IQCM: variants seen among roughly 807,000 people sequenced by gnomAD.
The protein encoded by IQCM is IQ domain-containing protein M.
Under a neutral mutation model 57.6 loss-of-function variants are expected in IQCM, and 45 were observed. The observed-to-expected ratio is 0.78, with a 90% CI of 0.62 to 1.00. IQCM has a LOEUF of 1.00. IQCM is among the 50% of genes least tolerant of loss of function. IQCM has a pLI of 0.00. For synonymous variants in IQCM, 148 were observed against 158.9 expected, an observed-to-expected ratio of 0.93 and a Z score of 0.51; for missense variants, 468 against 511.6, an observed-to-expected ratio of 0.91 and a Z score of 0.82.
At chr4:149,732,791 A>G (rs1367560249) in intron 5 of IQCM, among the ~76,000 whole-genome samples, 1 of 152,226 alleles carries the variant, frequency 6.6e-6, no homozygotes, top group Non-Finnish European at 1.5e-5. Flanking sequence ...CATGTTACTG[A>G]TAGAGGATAA....
At position 149,733,613 on chromosome 4, in the gene IQCM, T is replaced by A. The variant is rs1203511927; in HGVS notation, c.121-105A>T. On this transcript the variant is annotated intron_variant, in intron 4 of 13. Transcript: ENST00000636793. ...TAAGTTCATGAAATTGCACCTCTAG[T>A]ACATACATTTTACAAAGTACCTTGC... 5.8e-6 allele frequency: 3 copies of A among 512,822 alleles called. No individual in the cohort carries two copies. In the African/African-American group the frequency reaches 5.9e-5, roughly 10 times the overall value. 31.8% of individuals were successfully genotyped at this position (512,822 alleles called of 1,614,324 possible). A position where few individuals can be genotyped will look rare whatever the true frequency, so the allele number is the denominator to read the frequency against.
intron 9 of IQCM, among the ~76,000 whole-genome samples, chr4:149,574,713 T>C (rs1751476916): frequency 6.6e-6 from 1 of 151,974 alleles, no homozygotes; most frequent in Non-Finnish European, 1.5e-5. Context: ...TATTAAACAC[T>C]AAATCAGTTT....
At chr4:149,406,747 C>T (rs566880907) in intron 13 of IQCM, among the ~76,000 whole-genome samples, 5 of 152,206 alleles carry the variant, frequency 3.3e-5, no homozygotes, top group South Asian at 4.2e-4. Flanking sequence ...TACTAAGATG[C>T]CTACTTTTCA....
intron 7 of IQCM, among the ~76,000 whole-genome samples, chr4:149,657,473 T>C (rs539750389): frequency 6.6e-6 from 1 of 152,250 alleles, no homozygotes; most frequent in East Asian, 1.9e-4. Flanking sequence ...TGCAAAAACA[T>C]TGGAGTACAG....
chr4:149,401,789 TG>T (rs1732636190), intron 13 of IQCM, among the ~76,000 whole-genome samples: 1 of 151,846 alleles, frequency 6.6e-6, no homozygotes, highest in Non-Finnish European at 1.5e-5. Flanking sequence ...TTTTCAGCAC[TG>T]CTAATGAAAA....
chr4:149,400,242 C>A (rs1400013137), intron 13 of IQCM, among the ~76,000 whole-genome samples: 1 of 149,526 alleles, frequency 6.7e-6, no homozygotes, highest in African/African-American at 2.5e-5. Flanking sequence ...TTTCTTTTTG[C>A]TTCTTCCTAC....
intron 12 of IQCM, among the ~76,000 whole-genome samples, chr4:149,449,187 C>T (rs1303542975): frequency 7.7e-6 from 1 of 130,064 alleles, no homozygotes; most frequent in Admixed American, 7.9e-5. Flanking sequence ...CAACCCGCCA[C>T]CCCCCACCAC....
intron 7 of IQCM, among the ~76,000 whole-genome samples, chr4:149,676,068 T>C (rs1445470426): frequency 1.3e-5 from 2 of 152,040 alleles, no homozygotes. Context: ...CTGCCATGGG[T>C]CTGTTTCCTT....
At chr4:149,471,879 G>A (rs906895854) in intron 12 of IQCM, among the ~76,000 whole-genome samples, 3 of 152,058 alleles carry the variant, frequency 2.0e-5, no homozygotes, top group African/African-American at 7.2e-5. Flanking sequence ...ACCACATGAT[G>A]ATCTCAATAG....
At chr4:149,436,088 C>T (rs1293848737) in intron 12 of IQCM, among the ~76,000 whole-genome samples, 1 of 152,062 alleles carries the variant, frequency 6.6e-6, no homozygotes, top group Non-Finnish European at 1.5e-5. Flanking sequence ...TTCACATTCA[C>T]TCACCAACTC....
intron 12 of IQCM, among the ~76,000 whole-genome samples, chr4:149,516,500 G>A (rs1471358811): frequency 6.6e-6 from 1 of 152,198 alleles, no homozygotes; most frequent in Non-Finnish European, 1.5e-5. Flanking sequence ...TGACAGAATT[G>A]TAGAATGGCC....
chr4:149,593,056 C>T (rs912299634), intron 8 of IQCM, among the ~76,000 whole-genome samples: 3 of 152,144 alleles, frequency 2.0e-5, no homozygotes, highest in Non-Finnish European at 2.9e-5. Context: ...GCAGTATGGC[C>T]ATTTTCACGA....
chr4:149,729,766 A>G (rs1766293059), intron 5 of IQCM, among the ~76,000 whole-genome samples: 1 of 152,152 alleles, frequency 6.6e-6, no homozygotes, highest in South Asian at 2.1e-4. Context: ...TTAGTCTCTC[A>G]ATAATGACTG....
In IQCM at chr4:149,592,444, A is replaced by C. The variant is rs566945415; in HGVS notation, c.682-4447T>G. Among the ~76,000 whole-genome samples, 14 of 152,150 alleles carry C rather than the reference A, an allele frequency of 9.2e-5. No homozygotes were observed. In the South Asian group the frequency reaches 2.9e-3, roughly 32 times the overall value. ...CTGATGGTAGTTTCTTCTGCTGTGC[A>C]GAAGCTCTTTAGTTTAATTAGATCC... On this transcript the variant is annotated intron_variant, in intron 8 of 13. Transcript: ENST00000636793.
At chr4:149,375,961 C>G (rs1231986342) in intron 13 of IQCM, among the ~76,000 whole-genome samples, 1 of 152,102 alleles carries the variant, frequency 6.6e-6, no homozygotes, top group Admixed American at 6.6e-5. Context: ...AAGAATTACA[C>G]AGAGAAACCA....
At chr4:149,556,008 G>T (rs1228161896) in intron 10 of IQCM, among the ~76,000 whole-genome samples, 1 of 152,204 alleles carries the variant, frequency 6.6e-6, no homozygotes, top group Non-Finnish European at 1.5e-5. Context: ...TTATTACAGG[G>T]AGTGTCCCTC....
At chr4:149,464,624 T>G (rs998685450) in intron 12 of IQCM, among the ~76,000 whole-genome samples, 2 of 152,140 alleles carry the variant, frequency 1.3e-5, no homozygotes, top group African/African-American at 4.8e-5. Flanking sequence ...ACGGGACCTT[T>G]TGAGACCTTT....
At chr4:149,672,383 A>G (rs1761374737) in intron 7 of IQCM, among the ~76,000 whole-genome samples, 1 of 152,192 alleles carries the variant, frequency 6.6e-6, no homozygotes, top group Admixed American at 6.6e-5. Context: ...CCTTGAAAAA[A>G]GATTAGACAA....
chr4:149,717,243 C>A (rs148883108), intron 5 of IQCM, among the ~76,000 whole-genome samples: 3 of 152,204 alleles, frequency 2.0e-5, no homozygotes, highest in Non-Finnish European at 4.4e-5. Context: ...AAGTGACGGG[C>A]AGTTTGAGGA....
Sources: gnomAD v4.1 joint callset for allele counts (sites outside exome capture counted in the v4.1 genomes callset) on GRCh38, gnomAD v4.1.1 for gene constraint, MANE v1.5 for transcripts, NCBI Gene and HGNC (gene_info 2026-07-23, HGNC 2026-07-21) for gene names.